Variants in PARD3 observed in about 807,000 individuals in gnomAD.
PARD3 encodes par-3 family cell polarity regulator.
In PARD3, 75 loss-of-function variants were observed where a neutral mutation model predicts 155.4. The ratio of observed to expected loss-of-function variants is 0.48; its 90% confidence interval spans 0.40 to 0.58. The LOEUF is 0.58. Ranked by LOEUF, PARD3 falls within the 20% of genes least tolerant of loss-of-function variation. The pLI, the probability that PARD3 is intolerant of heterozygous loss-of-function variation, is 0.00. For synonymous variants in PARD3, 576 were observed against 610.5 expected, an observed-to-expected ratio of 0.94 and a Z score of 0.83; for missense variants, 1,642 against 1,721.7, an observed-to-expected ratio of 0.95 and a Z score of 0.82.
intron 1 of PARD3, among the ~76,000 whole-genome samples, chr10:34,711,458 C>G (rs565612289): frequency 6.6e-6 from 1 of 151,936 alleles, no homozygotes; most frequent in East Asian, 1.9e-4. Context: ...GAGGTGAAGG[C>G]TGCAGTGAGC....
At chr10:34,514,868 C>A (rs2081613563) in intron 3 of PARD3, among the ~76,000 whole-genome samples, 1 of 152,048 alleles carries the variant, frequency 6.6e-6, no homozygotes, top group African/African-American at 2.4e-5. Flanking sequence ...AAGAAATTAA[C>A]CTTTCTTCTA....
intron 7 of PARD3, among the ~76,000 whole-genome samples, chr10:34,385,105 T>C (rs1481419702): frequency 2.0e-5 from 3 of 152,182 alleles, no homozygotes; most frequent in Non-Finnish European, 4.4e-5. Context: ...AACCTAGCTC[T>C]GATTGCTGTT....
At chr10:34,724,281 T>C (rs1214069580) in intron 1 of PARD3, among the ~76,000 whole-genome samples, 1 of 152,144 alleles carries the variant, frequency 6.6e-6, no homozygotes, top group Non-Finnish European at 1.5e-5. Context: ...TATGGCTTTC[T>C]CCATGCAACT....
chr10:34,198,975 T>C (rs1386653259), intron 22 of PARD3, among the ~76,000 whole-genome samples: 1 of 152,102 alleles, frequency 6.6e-6, no homozygotes, highest in Non-Finnish European at 1.5e-5. Flanking sequence ...ACTCTCAGGT[T>C]AAAGGTCACA....
intron 1 of PARD3, among the ~76,000 whole-genome samples, chr10:34,731,699 A>G (rs2094821093): frequency 6.6e-6 from 1 of 152,266 alleles, no homozygotes; most frequent in Non-Finnish European, 1.5e-5. Flanking sequence ...TTGAATAGCA[A>G]TATCCAACAT....
chr10:34,723,760 G>A (rs1339684531), intron 1 of PARD3, among the ~76,000 whole-genome samples: 3 of 152,198 alleles, frequency 2.0e-5, no homozygotes, highest in African/African-American at 7.2e-5. Flanking sequence ...ATATGCTCAA[G>A]TATTGATCAC....
At chr10:34,445,329 AG>A (rs1481718321) in intron 5 of PARD3, among the ~76,000 whole-genome samples, 2 of 152,170 alleles carry the variant, frequency 1.3e-5, no homozygotes, top group Non-Finnish European at 2.9e-5. Context: ...TTTGAGAGGG[AG>A]TTTTGTTTTG....
chr10:34,662,717 C>T (rs547344625), intron 2 of PARD3, among the ~76,000 whole-genome samples: 5 of 152,068 alleles, frequency 3.3e-5, no homozygotes, highest in Non-Finnish European at 5.9e-5. Context: ...ACTAAAAATA[C>T]AAAAATTAGC....
At chr10:34,557,290 T>C (rs1416980892) in intron 2 of PARD3, among the ~76,000 whole-genome samples, 2 of 152,144 alleles carry the variant, frequency 1.3e-5, no homozygotes, top group African/African-American at 4.8e-5. Context: ...GTATCCTCAG[T>C]ACCCAACACA....
intron 20 of PARD3, among the ~76,000 whole-genome samples, chr10:34,307,551 G>C (rs911010585): frequency 2.4e-4 from 37 of 152,170 alleles, no homozygotes; most frequent in African/African-American, 8.2e-4. Flanking sequence ...AGGGTGAAGA[G>C]TGCAGACCTT....
chr10:34,311,233 G>C (rs1190216072), intron 20 of PARD3, among the ~76,000 whole-genome samples: 1 of 152,048 alleles, frequency 6.6e-6, no homozygotes, highest in Non-Finnish European at 1.5e-5. Flanking sequence ...CCCTTTATCA[G>C]ATGGTTTTCA....
intron 20 of PARD3, among the ~76,000 whole-genome samples, chr10:34,290,434 G>T (rs149090542): frequency 7.9e-5 from 12 of 152,298 alleles, no homozygotes; most frequent in African/African-American, 2.6e-4. Context: ...TGTCTAAGAA[G>T]TCTTTGCTAC....
chr10:34,501,672 C>A (rs192387184), intron 3 of PARD3, among the ~76,000 whole-genome samples: 1 of 151,830 alleles, frequency 6.6e-6, no homozygotes, highest in African/African-American at 2.4e-5. Flanking sequence ...TTCACACTAC[C>A]GTAAATATTT....
At chr10:34,400,049 G>A (rs1430848073) in intron 6 of PARD3, among the ~76,000 whole-genome samples, 1 of 152,134 alleles carries the variant, frequency 6.6e-6, no homozygotes, top group Admixed American at 6.5e-5. Flanking sequence ...TTCCTAAACC[G>A]CTATAAGAGT....
intron 2 of PARD3, among the ~76,000 whole-genome samples, chr10:34,619,085 C>T (rs1300183360): frequency 6.8e-6 from 1 of 148,038 alleles, no homozygotes; most frequent in African/African-American, 2.5e-5. Flanking sequence ...GAGTCTCAGT[C>T]TGTCACCCAG....
At chr10:34,353,655 T>G (rs1018025565) in intron 14 of PARD3, among the ~76,000 whole-genome samples, 2 of 151,776 alleles carry the variant, frequency 1.3e-5, no homozygotes, top group African/African-American at 2.4e-5. Context: ...TTCCATCCAC[T>G]ATTGTCCTAT....
intron 1 of PARD3, among the ~76,000 whole-genome samples, chr10:34,800,256 C>G (rs554894505): frequency 6.6e-6 from 1 of 152,168 alleles, no homozygotes; most frequent in Non-Finnish European, 1.5e-5. Flanking sequence ...AGCACTGACC[C>G]CAGCACATAG....
intron 2 of PARD3, among the ~76,000 whole-genome samples, chr10:34,578,637 G>A (rs1260334956): frequency 6.6e-6 from 1 of 152,170 alleles, no homozygotes; most frequent in East Asian, 1.9e-4. Flanking sequence ...TGAAGCTGTA[G>A]GTGGTCAAAC....
chr10:34,433,976 T>G (rs1318019181), intron 5 of PARD3, among the ~76,000 whole-genome samples: 1 of 152,048 alleles, frequency 6.6e-6, no homozygotes, highest in East Asian at 1.9e-4. Flanking sequence ...AAGAAAGACA[T>G]AATTAAAATG....
Sources: allele counts gnomAD v4.1 joint callset (sites outside exome capture counted in the v4.1 genomes callset), GRCh38; gene constraint gnomAD v4.1.1; transcripts MANE v1.5; gene names NCBI Gene and HGNC (gene_info 2026-07-23, HGNC 2026-07-21).